Variants in SOS1 observed in about 807,000 individuals in gnomAD.
SOS1 encodes son of sevenless homolog 1.
A neutral mutation model predicts 157.6 loss-of-function variants in SOS1; 25 were observed. That is an observed-to-expected ratio of 0.16 (90% CI 0.12 to 0.22). The LOEUF is 0.22. SOS1 is among the 10% of genes least tolerant of loss of function. The pLI is 1.00. For synonymous variants in SOS1, 528 were observed against 534.0 expected (o/e 0.99, Z 0.16); for missense variants, 1,237 against 1,599.1 (o/e 0.77, Z 3.86).
At chr2:39,086,299 A>G (rs1672366547) in intron 1 of SOS1, among the ~76,000 whole-genome samples, 1 of 152,170 alleles carries the variant, frequency 6.6e-6, no homozygotes, top group Admixed American at 6.5e-5. Flanking sequence ...TGAAGGGAAG[A>G]GTAAAGGAAA....
chr2:39,013,667 A>T (rs1215244454), intron 12 of SOS1, 104 bp from the exon 13 acceptor site: 1 of 956,054 alleles, frequency 1.0e-6, no homozygotes, highest in African/African-American at 1.6e-5. Context: ...TTACCAAATT[A>T]ATCTTATCAG....
intron 1 of SOS1, among the ~76,000 whole-genome samples, chr2:39,075,799 T>C (rs939819325): frequency 6.6e-6 from 1 of 151,918 alleles, no homozygotes; most frequent in Non-Finnish European, 1.5e-5. Context: ...AACATAACAG[T>C]TTAAAAAGAG....
chr2:39,098,268 C>G, intron 1 of SOS1: 1 of 250,648 alleles, frequency 4.0e-6, no homozygotes, highest in Non-Finnish European at 8.2e-6. Context: ...TACATGTTAA[C>G]TGGTTAACTC....
chr2:39,045,250 GA>G (rs1558486066), intron 6 of SOS1, among the ~76,000 whole-genome samples: 5 of 111,494 alleles, frequency 4.5e-5, no homozygotes, highest in African/African-American at 1.7e-4. Flanking sequence ...GAGGGAGAGA[GA>G]GAGAGAGAGA....
intron 6 of SOS1, among the ~76,000 whole-genome samples, chr2:39,038,347 A>G (rs1438006126): frequency 6.6e-6 from 1 of 152,202 alleles, no homozygotes; most frequent in Non-Finnish European, 1.5e-5. Context: ...AAAGAGAAAT[A>G]GGATTAGAAG....
chr2:39,035,358 C>T (rs1670308871), intron 7 of SOS1, 32 bp downstream of exon 7: 1 of 1,597,956 alleles, frequency 6.3e-7, no homozygotes, highest in Non-Finnish European at 8.6e-7. Context: ...ACTTTTCAGA[C>T]ATTGTACATC....
At chr2:38,991,194 A>C (rs1668722436) in intron 20 of SOS1, among the ~76,000 whole-genome samples, 1 of 151,840 alleles carries the variant, frequency 6.6e-6, no homozygotes, top group Admixed American at 6.6e-5. Flanking sequence ...TAAAGGAGTC[A>C]TTCTTGATAG....
intron 8 of SOS1, among the ~76,000 whole-genome samples, chr2:39,034,412 A>G (rs1485415098): frequency 6.6e-6 from 1 of 152,258 alleles, no homozygotes; most frequent in East Asian, 1.9e-4. Flanking sequence ...GAATCATGAT[A>G]CTAAACAGAA....
Position 39,040,850 on chromosome 2 carries a change from G to A in SOS1, c.865-5350C>T, listed in dbSNP as rs564966193. Among the ~76,000 whole-genome samples, 5 of 152,202 alleles carry A rather than the reference G, an allele frequency of 3.3e-5. No homozygotes were observed. The East Asian group carries it at 9.7e-4, about 29-fold the overall frequency. ...GAATCTCTGCTTTTTGTTCTTTTGG[G>A]TATATACCTAGGAGTGAAATTTCTG... is the stretch of plus-strand genomic sequence containing the variant. On this transcript the variant is annotated intron_variant, in intron 6 of 22. Transcript: ENST00000402219.
At chr2:39,057,413 A>G (rs964212362) in intron 3 of SOS1, among the ~76,000 whole-genome samples, 10 of 152,130 alleles carry the variant, frequency 6.6e-5, no homozygotes, top group Admixed American at 5.9e-4. Context: ...TGTTAAGAAA[A>G]TGTTAAATAG....
At position 38,982,308 on chromosome 2, in the gene SOS1, T is replaced by G. The variant is rs983611755; in HGVS notation, c.*3516A>C. 5 of 152,206 alleles carry G rather than the reference T, an allele frequency of 3.3e-5. No individual in the cohort carries two copies. The highest frequency in any genetic ancestry group is 4.1e-4 in the South Asian group (2 of 4,832). The allele number at this position is 152,206 out of a possible 1,614,324, so 9.4% of individuals were successfully genotyped here. ...AGATTTATAATATAGACTTCATGCT[T>G]CTTAAGTAGAGCTCAAAATATTTCA... On this transcript the variant is annotated 3_prime_UTR_variant, in exon 23 of 23. Coordinates refer to ENST00000402219, the MANE Select transcript of SOS1 (RefSeq NM_005633.4).
At chr2:39,069,828 A>T (rs1487010625) in intron 1 of SOS1, among the ~76,000 whole-genome samples, 1 of 152,226 alleles carries the variant, frequency 6.6e-6, no homozygotes, top group East Asian at 1.9e-4. Flanking sequence ...GATTACAGGC[A>T]TGAGCCACTG....
At chr2:39,119,829 G>A (rs955014842) in intron 1 of SOS1, among the ~76,000 whole-genome samples, 4 of 152,196 alleles carry the variant, frequency 2.6e-5, no homozygotes, top group African/African-American at 9.6e-5. Context: ...GGGAAACCAG[G>A]AGAATGAGGA....
At chr2:39,088,208 A>G (rs560000783) in intron 1 of SOS1, among the ~76,000 whole-genome samples, 2 of 4,854 alleles carry the variant, frequency 4.1e-4, no homozygotes. Flanking sequence ...TAAACCATGC[A>G]TAACAATAAA....
At chr2:39,030,144 T>C (rs1670106137) in intron 8 of SOS1, among the ~76,000 whole-genome samples, 1 of 149,238 alleles carries the variant, frequency 6.7e-6, no homozygotes, top group Non-Finnish European at 1.5e-5. Flanking sequence ...CCAGCCTGGG[T>C]GACAGAACAA....
intron 8 of SOS1, among the ~76,000 whole-genome samples, chr2:39,032,599 A>G (rs1010248380): frequency 6.6e-6 from 1 of 152,194 alleles, no homozygotes; most frequent in African/African-American, 2.4e-5. Context: ...TTCACAGAGC[A>G]AACAGTTGAA....
chr2:39,028,935 G>T (rs774075984), intron 8 of SOS1, among the ~76,000 whole-genome samples: 1 of 152,198 alleles, frequency 6.6e-6, no homozygotes, highest in Non-Finnish European at 1.5e-5. Context: ...AATGCAAAGA[G>T]TAACACTTGA....
intron 8 of SOS1, among the ~76,000 whole-genome samples, chr2:39,031,728 T>C (rs1348217582): frequency 6.6e-6 from 1 of 151,796 alleles, no homozygotes; most frequent in East Asian, 1.9e-4. Flanking sequence ...TGTCTCAAAA[T>C]AAAATAAAAA....
At chr2:39,035,155 CAAA>C (rs915335661) in intron 8 of SOS1, 54 bp downstream of exon 8, 49 of 934,092 alleles carry the variant, frequency 5.2e-5, no homozygotes, top group Non-Finnish European at 7.4e-5. Flanking sequence ...AATGAAGTAG[CAAA>C]AAAAAAAATT....
Sources: gnomAD v4.1 joint callset for allele counts (sites outside exome capture counted in the v4.1 genomes callset) on GRCh38, gnomAD v4.1.1 for gene constraint, MANE v1.5 for transcripts, NCBI Gene and HGNC (gene_info 2026-07-23, HGNC 2026-07-21) for gene names.